UVRAG: variants seen among roughly 807,000 people sequenced by gnomAD.
UVRAG encodes UV radiation resistance-associated gene protein.
UVRAG carries 19 observed loss-of-function variants against 78.0 expected under a neutral mutation model. The observed-to-expected ratio is 0.24, with a 90% CI of 0.17 to 0.36. The LOEUF is 0.36. UVRAG is among the 10% of genes least tolerant of loss of function. The probability of loss-of-function intolerance (pLI) is 1.00; values close to 1 mark genes in which losing one functional copy is unlikely to be tolerated. For synonymous variants in UVRAG, 323 were observed against 324.6 expected (o/e 1.00, Z 0.05); for missense variants, 740 against 853.8 (o/e 0.87, Z 1.66).
chr11:75,921,489 T>G (rs1013184340), intron 6 of UVRAG, among the ~76,000 whole-genome samples: 1 of 152,188 alleles, frequency 6.6e-6, no homozygotes, highest in Non-Finnish European at 1.5e-5. Context: ...AATCTGACAA[T>G]TACATCTTGA....
intron 14 of UVRAG, among the ~76,000 whole-genome samples, chr11:76,123,393 T>C (rs1204024550): frequency 6.6e-6 from 1 of 152,206 alleles, no homozygotes; most frequent in African/African-American, 2.4e-5. Context: ...ACGTTTCAAC[T>C]TCATTGGTTA....
Position 76,096,977 on chromosome 11 carries a change from G to A in UVRAG, c.1306-18947G>A, listed in dbSNP as rs111361344. ...TTAGCCCCTTGCAAACTTCCTGGTAGCCATAGCACTCTTTCCTTCTCCTTC... is the reference window on the plus strand; with the variant it reads ...TTAGCCCCTTGCAAACTTCCTGGTAACCATAGCACTCTTTCCTTCTCCTTC... On this transcript the variant is annotated intron_variant, in intron 13 of 14. Transcript: ENST00000356136. Among the ~76,000 whole-genome samples the A allele has an allele frequency of 1.7e-3, 263 of 152,166 alleles. 1 individual carries two copies. The highest frequency in any genetic ancestry group is 6.1e-3 in the African/African-American group (252 of 41,504).
intron 14 of UVRAG, among the ~76,000 whole-genome samples, chr11:76,136,086 AT>A (rs1436804722): frequency 6.6e-6 from 1 of 152,194 alleles, no homozygotes; most frequent in Non-Finnish European, 1.5e-5. Context: ...TAATCAAAGA[AT>A]CTTGAAACCT....
At chr11:75,902,275 G>C (rs1021089764) in intron 5 of UVRAG, among the ~76,000 whole-genome samples, 1 of 152,214 alleles carries the variant, frequency 6.6e-6, no homozygotes, top group African/African-American at 2.4e-5. Flanking sequence ...AGGGACGGGA[G>C]TGGGGACGGT....
chr11:75,984,261 T>C (rs113400461), intron 8 of UVRAG, among the ~76,000 whole-genome samples: 1 of 152,346 alleles, frequency 6.6e-6, no homozygotes, highest in East Asian at 1.9e-4. Flanking sequence ...TACTCTATAA[T>C]GTACTCTGTT....
chr11:76,054,649 C>T (rs1416284033), intron 12 of UVRAG, among the ~76,000 whole-genome samples: 3 of 152,184 alleles, frequency 2.0e-5, no homozygotes, highest in Non-Finnish European at 4.4e-5. Flanking sequence ...TTCGTTTCAC[C>T]TGCCTGGAAC....
chr11:75,845,464 G>A (rs1043930053), intron 1 of UVRAG, among the ~76,000 whole-genome samples: 1 of 152,178 alleles, frequency 6.6e-6, no homozygotes, highest in Non-Finnish European at 1.5e-5. Context: ...TAAAGAAAAT[G>A]TGATACATAT....
chr11:75,838,150 CTG>C lies in UVRAG; in HGVS notation c.118-13732_118-13731del, dbSNP rs764055910. On this transcript the variant is annotated intron_variant, in intron 1 of 14. Coordinates refer to ENST00000356136, the MANE Select transcript of UVRAG (RefSeq NM_003369.4). Reference sequence around the variant, plus strand: ...TTATTCCATATCAGTGATCAAAGAGCTGCCATGTTATGTATTCTTTATGGTCA... The same window carrying C: ...TTATTCCATATCAGTGATCAAAGAGCCCATGTTATGTATTCTTTATGGTCA... 8.5e-5 allele frequency among the ~76,000 whole-genome samples: 13 copies of C among 152,090 alleles called. No individual in the cohort carries two copies. The East Asian group carries it at 2.5e-3, about 29-fold the overall frequency.
chr11:76,001,456 C>G (rs947474795), intron 8 of UVRAG, among the ~76,000 whole-genome samples: 2 of 151,998 alleles, frequency 1.3e-5, no homozygotes, highest in African/African-American at 4.8e-5. Context: ...TAATAAAGGC[C>G]ACTAATCAGT....
In UVRAG at chr11:75,983,396, A is replaced by G; in HGVS notation, c.709A>G (p.Ser237Gly). Residue 237 changes from serine (S) to glycine (G), a missense_variant, in exon 8 of 15, where the codon AGT becomes GGT. Coordinates refer to ENST00000356136, the MANE Select transcript of UVRAG (RefSeq NM_003369.4). ...GATTTTATTTATTTAGAAAAAAAAA[A>G]GTGAATGCCTGCAGTTAAAAATTTT... ...TSTSNELKKK[S>G]ECLQLKILVL... 2 of 1,590,114 alleles carry G rather than the reference A, an allele frequency of 1.3e-6. No individual in the cohort carries two copies. Among genetic ancestry groups the G allele is most frequent in the Non-Finnish European group, 1.7e-6 (2 of 1,170,024 alleles).
At chr11:76,026,851 T>C (rs755061847) in intron 12 of UVRAG, among the ~76,000 whole-genome samples, 1 of 152,118 alleles carries the variant, frequency 6.6e-6, no homozygotes, top group Non-Finnish European at 1.5e-5. Context: ...GATTTTCCAC[T>C]TGATTACAGG....
At chr11:76,031,721 T>C (rs943975204) in intron 12 of UVRAG, among the ~76,000 whole-genome samples, 1 of 152,148 alleles carries the variant, frequency 6.6e-6, no homozygotes, top group Non-Finnish European at 1.5e-5. Context: ...TTGCAGGGGC[T>C]GGGGGGACTG....
At chr11:75,887,661 A>G (rs1441582956) in intron 4 of UVRAG, among the ~76,000 whole-genome samples, 2 of 149,052 alleles carry the variant, frequency 1.3e-5, no homozygotes, top group African/African-American at 5.0e-5. Flanking sequence ...GTTACCCAGG[A>G]TGGTCTCGAT....
intron 14 of UVRAG, among the ~76,000 whole-genome samples, chr11:76,118,850 TGA>T (rs1258622110): frequency 1.3e-5 from 2 of 152,208 alleles, no homozygotes; most frequent in African/African-American, 4.8e-5. Context: ...TAAAATAAAT[TGA>T]GGATCTTTAC....
At chr11:76,056,026 A>G (rs1950978463) in intron 12 of UVRAG, among the ~76,000 whole-genome samples, 1 of 152,172 alleles carries the variant, frequency 6.6e-6, no homozygotes, top group South Asian at 2.1e-4. Flanking sequence ...TACAAATCTT[A>G]AATGAACTAT....
At chr11:76,093,172 T>C (rs1328209875) in intron 13 of UVRAG, among the ~76,000 whole-genome samples, 2 of 152,178 alleles carry the variant, frequency 1.3e-5, no homozygotes, top group African/African-American at 4.8e-5. Flanking sequence ...TTCTGAGGGC[T>C]CTGTTCTGTT....
intron 5 of UVRAG, among the ~76,000 whole-genome samples, chr11:75,890,240 T>G (rs1377396796): frequency 6.6e-6 from 1 of 152,182 alleles, no homozygotes; most frequent in Non-Finnish European, 1.5e-5. Context: ...GTTTCAGTAA[T>G]TTCATTCTGG....
chr11:76,107,833 A>G (rs1359351282), intron 13 of UVRAG, among the ~76,000 whole-genome samples: 1 of 151,998 alleles, frequency 6.6e-6, no homozygotes, highest in Admixed American at 6.6e-5. Context: ...TTTTCATGTC[A>G]GTGAAACTTA....
intron 14 of UVRAG, among the ~76,000 whole-genome samples, chr11:76,117,703 C>G (rs941858624): frequency 3.9e-5 from 6 of 152,166 alleles, no homozygotes; most frequent in African/African-American, 1.4e-4. Context: ...GAGGCAGGCC[C>G]TTAACTACAT....
Sources: gnomAD v4.1 joint callset for allele counts (sites outside exome capture counted in the v4.1 genomes callset) on GRCh38, gnomAD v4.1.1 for gene constraint, MANE v1.5 for transcripts, NCBI Gene and HGNC (gene_info 2026-07-23, HGNC 2026-07-21) for gene names.